The following GPT2 variants were observed in gnomAD, a reference collection of about 807,000 sequenced individuals.
GPT2 encodes the protein alanine aminotransferase 2.
A neutral mutation model predicts 56.9 loss-of-function variants in GPT2; 30 were observed. The observed-to-expected ratio is 0.53, with a 90% CI of 0.39 to 0.72. GPT2 has a LOEUF of 0.72. GPT2 is among the 30% of genes least tolerant of loss of function. The pLI is 0.00. For synonymous variants in GPT2, 271 were observed against 283.1 expected (o/e 0.96, Z 0.43); for missense variants, 542 against 703.4 (o/e 0.77, Z 2.60).
chr16:46,898,820 G>A (rs974454499), intron 3 of GPT2, among the ~76,000 whole-genome samples: 6 of 149,748 alleles, frequency 4.0e-5, no homozygotes, highest in South Asian at 2.1e-4. Flanking sequence ...AAAGTGCTGC[G>A]ATTACAGGCG....
intron 9 of GPT2, 112 bp downstream of exon 9, chr16:46,922,528 G>A (rs1961312730): frequency 9.8e-7 from 1 of 1,020,666 alleles, no homozygotes; most frequent in African/African-American, 1.6e-5. Context: ...CTGAGGGTGT[G>A]GCCTGCAGGT....
intron 5 of GPT2, among the ~76,000 whole-genome samples, chr16:46,907,634 C>A (rs1422039449): frequency 6.6e-6 from 1 of 152,162 alleles, no homozygotes; most frequent in Non-Finnish European, 1.5e-5. Flanking sequence ...GAGTGCACAG[C>A]AAGGGTCGGA....
At chr16:46,893,261 G>A (rs1174930536) in intron 2 of GPT2, among the ~76,000 whole-genome samples, 1 of 152,178 alleles carries the variant, frequency 6.6e-6, no homozygotes, top group East Asian at 1.9e-4. Flanking sequence ...CTCCCAAATA[G>A]CTGGGACTAC....
At chr16:46,884,651 G>A in intron 1 of GPT2, 43 bp from the exon 2 acceptor site, 1 of 1,351,524 alleles carries the variant, frequency 7.4e-7, no homozygotes, top group Non-Finnish European at 9.5e-7. Flanking sequence ...TGCACGCCTG[G>A]GCAGTGCGCG....
chr16:46,903,593 C>T (rs1960862559), intron 4 of GPT2, among the ~76,000 whole-genome samples: 1 of 152,170 alleles, frequency 6.6e-6, no homozygotes. Context: ...AGGCATAAGC[C>T]ACCACACCCA....
intron 4 of GPT2, among the ~76,000 whole-genome samples, chr16:46,903,251 T>G (rs931650691): frequency 1.3e-5 from 2 of 151,170 alleles, no homozygotes; most frequent in African/African-American, 4.9e-5. Flanking sequence ...CTCTGTCCCC[T>G]CCAAAAGAAA....
At chr16:46,888,714 A>G (rs145874771) in intron 2 of GPT2, among the ~76,000 whole-genome samples, 54 of 152,242 alleles carry the variant, frequency 3.5e-4, no homozygotes, top group African/African-American at 1.2e-3. Context: ...CAGTGGCACA[A>G]TCATGACTCA....
chr16:46,888,529 A>G (rs1960527016), intron 2 of GPT2, among the ~76,000 whole-genome samples: 1 of 151,822 alleles, frequency 6.6e-6, no homozygotes, highest in South Asian at 2.1e-4. Flanking sequence ...TTGTATTTTT[A>G]GTAGAGATTG....
intron 11 of GPT2, among the ~76,000 whole-genome samples, chr16:46,927,342 T>G (rs759876752): frequency 4.6e-5 from 7 of 152,226 alleles, no homozygotes; most frequent in Non-Finnish European, 1.0e-4. Context: ...TTTTCTTATT[T>G]TGCTGTCCGT....
intron 6 of GPT2, among the ~76,000 whole-genome samples, chr16:46,910,514 C>T (rs1961029165): frequency 6.6e-6 from 1 of 151,838 alleles, no homozygotes; most frequent in Admixed American, 6.6e-5. Flanking sequence ...AAGATTATGC[C>T]ACTGCACTCC....
intron 6 of GPT2, among the ~76,000 whole-genome samples, chr16:46,910,190 G>T (rs964205104): frequency 2.0e-5 from 3 of 152,028 alleles, no homozygotes; most frequent in Non-Finnish European, 4.4e-5. Context: ...AGACCAGCCT[G>T]GCCAACATGG....
intron 3 of GPT2, among the ~76,000 whole-genome samples, chr16:46,898,633 T>G (rs2143398497): frequency 6.6e-6 from 1 of 152,110 alleles, no homozygotes; most frequent in African/African-American, 2.4e-5. Context: ...CACAGCAACC[T>G]CCACCTCCTG....
At chr16:46,887,850 TG>T (rs1194555351) in intron 2 of GPT2, among the ~76,000 whole-genome samples, 1 of 151,840 alleles carries the variant, frequency 6.6e-6, no homozygotes, top group African/African-American at 2.4e-5. Context: ...CTGAAGGAGG[TG>T]GGGAGGTCGG....
At chr16:46,899,616 T>C (rs992588429) in intron 3 of GPT2, among the ~76,000 whole-genome samples, 3 of 152,032 alleles carry the variant, frequency 2.0e-5, no homozygotes, top group South Asian at 4.1e-4. Context: ...GTCCCCATGC[T>C]GGGCCCAGGA....
In GPT2 at chr16:46,924,386, C is replaced by T. The variant is rs1961358590; in HGVS notation, c.1213-3C>T. The T allele has an allele frequency of 6.2e-7, 1 of 1,613,954 alleles. No homozygotes were observed. Among genetic ancestry groups the T allele is most frequent in the Non-Finnish European group, 8.5e-7 (1 of 1,179,808 alleles). ...CTGCTGTGCTGTTTCCATCTCTCAT[C>T]AGGAGAAGGAGTCGGTCCTGGGTAA... On this transcript the variant is annotated splice_polypyrimidine_tract_variant and splice_region_variant and intron_variant, in intron 9 of 11. Coordinates refer to ENST00000340124, the MANE Select transcript of GPT2 (RefSeq NM_133443.4).
At chr16:46,925,739 G>A (rs1014826548) in intron 10 of GPT2, among the ~76,000 whole-genome samples, 7 of 152,088 alleles carry the variant, frequency 4.6e-5, no homozygotes, top group Admixed American at 1.3e-4. Context: ...TGGGAGGATC[G>A]CCTGAGCCTG....
intron 8 of GPT2, among the ~76,000 whole-genome samples, chr16:46,919,249 C>T (rs112342841): frequency 0.014 from 2,160 of 152,292 alleles, 20 homozygotes; most frequent in Non-Finnish European, 0.024. Context: ...ATCTCAGCAC[C>T]GCGGATGCCG....
rs1469121170 is a variant in GPT2, at chr16:46,930,513, C to G, written c.*1516C>G. On this transcript the variant is annotated 3_prime_UTR_variant, in exon 12 of 12. Transcript: ENST00000340124. ...CAACTGTCCTTACCCACCGACATCACAGCCCCTATGAAGAAAGTAGCCACA... is the reference window on the plus strand; with the variant it reads ...CAACTGTCCTTACCCACCGACATCAGAGCCCCTATGAAGAAAGTAGCCACA... 1 of 152,248 alleles carries G rather than the reference C, an allele frequency of 6.6e-6. No individual in the cohort carries two copies. The highest frequency in any genetic ancestry group is 1.9e-4 in the East Asian group (1 of 5,194). 9.4% of individuals were successfully genotyped at this position (152,248 alleles called of 1,614,324 possible). A position where few individuals can be genotyped will look rare whatever the true frequency, so the allele number is the denominator to read the frequency against.
At chr16:46,906,246 A>AT (rs1960923605) in intron 4 of GPT2, among the ~76,000 whole-genome samples, 1 of 151,688 alleles carries the variant, frequency 6.6e-6, no homozygotes. Flanking sequence ...CTGATTTTGT[A>AT]TTTTTTGTAG....
Sources: allele counts gnomAD v4.1 joint callset (sites outside exome capture counted in the v4.1 genomes callset), GRCh38; gene constraint gnomAD v4.1.1; transcripts MANE v1.5; gene names NCBI Gene and HGNC (gene_info 2026-07-23, HGNC 2026-07-21).